The following CDH23 variants were observed in gnomAD, a reference collection of about 807,000 sequenced individuals.
CDH23 encodes the protein cadherin related 23, also known as cadherin-23.
A neutral mutation model predicts 317.1 loss-of-function variants in CDH23; 189 were observed. That is an observed-to-expected ratio of 0.60 (90% CI 0.53 to 0.67). The LOEUF (loss-of-function observed/expected upper bound fraction) is 0.67. Ranked by LOEUF, CDH23 falls within the 30% of genes least tolerant of loss-of-function variation. The pLI is 0.00. For synonymous variants in CDH23, 1,839 were observed against 1,876.8 expected, an observed-to-expected ratio of 0.98 and a Z score of 0.52; for missense variants, 4,401 against 4,592.4, an observed-to-expected ratio of 0.96 and a Z score of 1.20.
intron 22 of CDH23, 126 bp downstream of exon 22, chr10:71,695,651 C>CT: frequency 3.0e-6 from 2 of 670,728 alleles, no homozygotes; most frequent in Middle Eastern, 2.7e-4. Context: ...TGAGCTGGCT[C>CT]TTGCAATAGA....
At chr10:71,615,659 C>G in intron 10 of CDH23, 43 bp downstream of exon 10, 1 of 1,409,544 alleles carries the variant, frequency 7.1e-7, no homozygotes, top group Non-Finnish European at 1.0e-6. Context: ...AGAGGAGATG[C>G]CCCTACTCGG....
At chr10:71,419,201 C>A (rs1848646276) in intron 1 of CDH23, among the ~76,000 whole-genome samples, 1 of 152,138 alleles carries the variant, frequency 6.6e-6, no homozygotes, top group Admixed American at 6.5e-5. Flanking sequence ...GCTCCCTTCC[C>A]TTCTCCTTGC....
chr10:71,779,494 C>G (rs764748565), intron 41 of CDH23, 47 bp downstream of exon 41: 1 of 1,503,768 alleles, frequency 6.6e-7, no homozygotes, highest in African/African-American at 1.4e-5. Flanking sequence ...CACCTGCACA[C>G]CCGCTCAGGG....
Position 71,799,551 on chromosome 10 carries a change from T to A in CDH23, c.7284T>A (p.Asp2428Glu). The A allele has an allele frequency of 6.2e-7, 1 of 1,614,064 alleles. No homozygotes were observed. Among genetic ancestry groups the A allele is most frequent in the Admixed American group, 1.7e-5 (1 of 60,028 alleles). Reference sequence around the variant, plus strand: ...TCATCCTGACAGTCACTGCCACTGATGCTGACTCAGGCAACTTTGCACTCA... The same window carrying A: ...TCATCCTGACAGTCACTGCCACTGAAGCTGACTCAGGCAACTTTGCACTCA... ...GTIILTVTAT[D>E]ADSGNFALIE... is the part of the protein sequence containing the mutation. Residue 2428 changes from aspartate to glutamate, a missense_variant, in exon 52 of 70, where the codon GAT becomes GAA. Physicochemically the swap from Asp to Glu is conservative, Grantham distance 45. Coordinates refer to ENST00000224721, the MANE Select transcript of CDH23 (RefSeq NM_022124.6).
chr10:71,761,066 C>A, intron 38 of CDH23: 1 of 771,160 alleles, frequency 1.3e-6, no homozygotes, highest in Admixed American at 2.1e-5. Flanking sequence ...GCAGCCTGCA[C>A]ACGTGTGCAC....
At chr10:71,762,311 C>T (rs1245395008) in intron 38 of CDH23, among the ~76,000 whole-genome samples, 1 of 152,206 alleles carries the variant, frequency 6.6e-6, no homozygotes, top group African/African-American at 2.4e-5. Context: ...TGTCCCTCTT[C>T]CCAGTAGAGT....
chr10:71,796,075 C>T (rs1841395186), intron 48 of CDH23: 3 of 986,600 alleles, frequency 3.0e-6, no homozygotes, highest in Non-Finnish European at 3.6e-6. Flanking sequence ...AGGAGGCGGC[C>T]CAGGGTAAGT....
rs1564636334 is a variant in CDH23, at chr10:71,532,720, T to TG, written c.429+21508_429+21509insG. Among the ~76,000 whole-genome samples the TG allele has an allele frequency of 5.5e-3, 224 of 40,584 alleles. 2 individuals carry two copies. Among genetic ancestry groups the TG allele is most frequent in the East Asian group, 0.026 (7 of 268 alleles). The allele number at this position is 40,584 out of a possible 152,430, so 26.6% of individuals were successfully genotyped here. The stretch of plus-strand genomic sequence containing the variant: ...GTTTTCTTTTGTTTTTGTTTTTTTT[T>TG]TTTTTTGTTTTTTTTTTTTTTTTTT... On this transcript the variant is annotated intron_variant, in intron 6 of 69. Transcript: ENST00000224721.
In CDH23 at chr10:71,446,387, C is replaced by A. The variant is rs727504613; in HGVS notation, c.137C>A (p.Thr46Lys). The stretch of plus-strand genomic sequence containing the variant: ...ACATACCTGCTGATCAGCGAGGACA[C>A]GCCTGTGGGTGAGTGGGGGCATGGG... ...FDTYLLISED[T>K]PVGSSVTQLL... The change falls in exon 3 of 70, where the codon ACG (threonine) becomes AAG (lysine). Residue 46 changes from threonine (T) to lysine (K), a missense_variant. Physicochemically the swap from Thr to Lys is moderately conservative, Grantham distance 78. Coordinates refer to ENST00000224721, the MANE Select transcript of CDH23 (RefSeq NM_022124.6). The A allele has an allele frequency of 6.8e-6, 11 of 1,613,874 alleles. No homozygotes were observed. In the African/African-American group the frequency reaches 8.0e-5, roughly 12 times the overall value.
At chr10:71,530,883 A>C (rs538759841) in intron 6 of CDH23, among the ~76,000 whole-genome samples, 21 of 152,372 alleles carry the variant, frequency 1.4e-4, no homozygotes, top group African/African-American at 4.6e-4. Context: ...TCATGTAGAT[A>C]AAAAAGCAGA....
At chr10:71,498,413 G>C (rs777675770) in intron 3 of CDH23, among the ~76,000 whole-genome samples, 6 of 152,182 alleles carry the variant, frequency 3.9e-5, no homozygotes, top group Non-Finnish European at 5.9e-5. Flanking sequence ...CCTACAGTTT[G>C]CAAACAGCTG....
At chr10:71,517,946 G>A (rs947608439) in intron 6 of CDH23, among the ~76,000 whole-genome samples, 2 of 152,158 alleles carry the variant, frequency 1.3e-5, no homozygotes, top group African/African-American at 4.8e-5. Flanking sequence ...CTCTCTTGCG[G>A]CAGGCAGATG....
At chr10:71,638,335 G>A (rs138477003) in intron 11 of CDH23, among the ~76,000 whole-genome samples, 7 of 152,298 alleles carry the variant, frequency 4.6e-5, no homozygotes, top group South Asian at 2.1e-4. Flanking sequence ...CAAACATCCC[G>A]GAGAGGCAAG....
chr10:71,482,263 C>T (rs1436510924), intron 3 of CDH23, among the ~76,000 whole-genome samples: 1 of 152,110 alleles, frequency 6.6e-6, no homozygotes, highest in East Asian at 1.9e-4. Flanking sequence ...TTTCCCTCCC[C>T]TTCTCTCCTT....
intron 11 of CDH23, among the ~76,000 whole-genome samples, chr10:71,624,746 T>G (rs1358316049): frequency 6.6e-6 from 1 of 150,566 alleles, no homozygotes; most frequent in African/African-American, 2.5e-5. Context: ...ATTATTATTA[T>G]TATTATTATT....
chr10:71,446,593 G>C lies in CDH23; in HGVS notation c.145+198G>C, dbSNP rs182368040. The stretch of plus-strand genomic sequence containing the variant: ...CAGAGGGGAGCTCTGAACGTCAAAG[G>C]GTTTATCACATTGAGCCTCAGATGC... On this transcript the variant is annotated intron_variant, in intron 3 of 69. Transcript: ENST00000224721. Among the ~76,000 whole-genome samples, 95 of 152,232 alleles carry C rather than the reference G, an allele frequency of 6.2e-4. 1 individual carries two copies. Among genetic ancestry groups the C allele is most frequent in the African/African-American group, 9.4e-4 (39 of 41,548 alleles).
intron 20 of CDH23, among the ~76,000 whole-genome samples, chr10:71,691,580 C>T (rs1404624746): frequency 6.6e-6 from 1 of 152,220 alleles, no homozygotes; most frequent in African/African-American, 2.4e-5. Context: ...TGAGTGACAG[C>T]CTTCCACATG....
intron 6 of CDH23, among the ~76,000 whole-genome samples, chr10:71,551,097 A>T (rs1856569011): frequency 6.6e-6 from 1 of 152,246 alleles, no homozygotes; most frequent in Admixed American, 6.5e-5. Flanking sequence ...TCTTGTAATA[A>T]CACCGACAGT....
chr10:71,489,454 T>A (rs1422458706), intron 3 of CDH23, among the ~76,000 whole-genome samples: 1 of 152,246 alleles, frequency 6.6e-6, no homozygotes, highest in African/African-American at 2.4e-5. Context: ...TTACTGGTAT[T>A]TGCAAGCCTC....
Sources: allele counts gnomAD v4.1 joint callset (sites outside exome capture counted in the v4.1 genomes callset), GRCh38; gene constraint gnomAD v4.1.1; transcripts MANE v1.5; gene names NCBI Gene and HGNC (gene_info 2026-07-23, HGNC 2026-07-21).